The following EPB41L4B variants were observed in gnomAD, a reference collection of about 807,000 sequenced individuals.
The protein encoded by EPB41L4B is erythrocyte membrane protein band 4.1 like 4B, also known as band 4.1-like protein 4B.
In EPB41L4B, 30 loss-of-function variants were observed where a neutral mutation model predicts 112.5. The observed-to-expected ratio is 0.27, with a 90% CI of 0.20 to 0.36. The LOEUF is 0.36. EPB41L4B is among the 10% of genes least tolerant of loss of function. EPB41L4B has a pLI of 1.00. For missense variants in EPB41L4B, 1,024 were observed against 1,133.3 expected, an observed-to-expected ratio of 0.90 and a Z score of 1.38; for synonymous variants, 408 against 439.7, an observed-to-expected ratio of 0.93 and a Z score of 0.90.
intron 15 of EPB41L4B, among the ~76,000 whole-genome samples, chr9:109,218,796 A>G (rs969441747): frequency 2.3e-4 from 35 of 152,264 alleles, no homozygotes; most frequent in Non-Finnish European, 1.6e-4. Flanking sequence ...GAAGACTTCC[A>G]GCCTTTAAGA....
intron 1 of EPB41L4B, among the ~76,000 whole-genome samples, chr9:109,291,385 C>T (rs563102298): frequency 6.6e-6 from 1 of 152,304 alleles, no homozygotes; most frequent in East Asian, 1.9e-4. Flanking sequence ...CACACACAGT[C>T]CAACAAACAG....
intron 1 of EPB41L4B, among the ~76,000 whole-genome samples, chr9:109,304,035 C>T (rs1366118295): frequency 2.0e-5 from 3 of 152,104 alleles, no homozygotes; most frequent in South Asian, 4.2e-4. Flanking sequence ...AACCAGACTC[C>T]CTGGGTCCAC....
intron 1 of EPB41L4B, among the ~76,000 whole-genome samples, chr9:109,310,289 G>A (rs1426863232): frequency 6.7e-6 from 1 of 149,790 alleles, no homozygotes; most frequent in African/African-American, 2.4e-5. Flanking sequence ...TTAGGAAAAC[G>A]TACACATGCA....
rs989641214 is a variant in EPB41L4B, at chr9:109,204,333, G to A, written c.1879-603C>T. Among the ~76,000 whole-genome samples, 5 of 108,944 alleles carry A rather than the reference G, an allele frequency of 4.6e-5. No homozygotes were observed. In the Admixed American group the frequency reaches 5.0e-4, roughly 11 times the overall value. 71.5% of individuals were successfully genotyped at this position (108,944 alleles called of 152,430 possible). ...ACATGCAGAGGCCTGCAGCCCTCACGACCATCACAACATACAGAGCTTGGC... is the reference window on the plus strand; with the variant it reads ...ACATGCAGAGGCCTGCAGCCCTCACAACCATCACAACATACAGAGCTTGGC... On this transcript the variant is annotated intron_variant, in intron 18 of 25. Transcript: ENST00000374566.
At chr9:109,261,716 G>A (rs1259648399) in intron 6 of EPB41L4B, among the ~76,000 whole-genome samples, 1 of 152,144 alleles carries the variant, frequency 6.6e-6, no homozygotes, top group Non-Finnish European at 1.5e-5. Flanking sequence ...TTGCCTGTGG[G>A]TGGTAGGACA....
At chr9:109,183,744 C>T (rs1832149841) in intron 23 of EPB41L4B, among the ~76,000 whole-genome samples, 1 of 152,220 alleles carries the variant, frequency 6.6e-6, no homozygotes, top group African/African-American at 2.4e-5. Context: ...GCAGGCAAGA[C>T]ACCAAGGCCA....
chr9:109,240,284 T>C (rs1302470706), intron 15 of EPB41L4B: 5 of 985,308 alleles, frequency 5.1e-6, no homozygotes, highest in South Asian at 9.4e-5. Flanking sequence ...TCTGCTAAAA[T>C]GGAATACACC....
chr9:109,204,260 C>G (rs555684918), intron 18 of EPB41L4B, among the ~76,000 whole-genome samples: 1 of 152,284 alleles, frequency 6.6e-6, no homozygotes, highest in African/African-American at 2.4e-5. Flanking sequence ...AGAAGAGACA[C>G]CCACTCAGCC....
At chr9:109,276,308 T>G (rs1588199649) in intron 2 of EPB41L4B, among the ~76,000 whole-genome samples, 1 of 138,538 alleles carries the variant, frequency 7.2e-6, no homozygotes, top group South Asian at 2.3e-4. Flanking sequence ...TCATGAAGGG[T>G]GAGGGGGGGG....
At chr9:109,263,456 C>T (rs932590468) in intron 5 of EPB41L4B, among the ~76,000 whole-genome samples, 2 of 152,176 alleles carry the variant, frequency 1.3e-5, no homozygotes, top group Non-Finnish European at 2.9e-5. Context: ...TGATATAGTA[C>T]ATGCATCTTT....
chr9:109,284,274 A>C (rs1272485174), intron 1 of EPB41L4B, among the ~76,000 whole-genome samples: 2 of 152,206 alleles, frequency 1.3e-5, no homozygotes, highest in African/African-American at 4.8e-5. Context: ...TTGCATGGGT[A>C]CCCAAAGTAC....
intron 25 of EPB41L4B, among the ~76,000 whole-genome samples, chr9:109,174,915 T>G (rs1003149913): frequency 7.3e-6 from 1 of 136,132 alleles, no homozygotes; most frequent in East Asian, 2.1e-4. Context: ...GTAAAGTGTT[T>G]TTTTTTTTTT....
intron 15 of EPB41L4B, among the ~76,000 whole-genome samples, chr9:109,238,655 C>T (rs548150904): frequency 2.6e-5 from 4 of 151,860 alleles, no homozygotes; most frequent in African/African-American, 7.2e-5. Flanking sequence ...TGCAACGTTG[C>T]TATAGATGGG....
chr9:109,292,818 G>A (rs1018448971), intron 1 of EPB41L4B, among the ~76,000 whole-genome samples: 1 of 152,184 alleles, frequency 6.6e-6, no homozygotes, highest in East Asian at 1.9e-4. Context: ...GATGTTCTGC[G>A]ATTTCCAAGG....
At chr9:109,237,688 G>C (rs1220630428) in intron 15 of EPB41L4B, among the ~76,000 whole-genome samples, 2 of 152,110 alleles carry the variant, frequency 1.3e-5, no homozygotes, top group African/African-American at 2.4e-5. Context: ...GGTGTGTTTG[G>C]GGAGAAGACA....
intron 7 of EPB41L4B, among the ~76,000 whole-genome samples, chr9:109,257,806 G>C (rs752342002): frequency 1.3e-5 from 2 of 152,148 alleles, no homozygotes; most frequent in Non-Finnish European, 2.9e-5. Context: ...ACCAGCCTAG[G>C]CAACGTGGTG....
intron 2 of EPB41L4B, among the ~76,000 whole-genome samples, chr9:109,276,566 TC>T (rs968325108): frequency 3.3e-5 from 5 of 152,148 alleles, no homozygotes; most frequent in African/African-American, 1.2e-4. Flanking sequence ...TGTTTTTGCC[TC>T]AAATTTGTAG....
At chr9:109,230,881 C>A (rs553423219) in intron 15 of EPB41L4B, among the ~76,000 whole-genome samples, 1 of 152,120 alleles carries the variant, frequency 6.6e-6, no homozygotes, top group African/African-American at 2.4e-5. Flanking sequence ...AAATTGGCCA[C>A]AAGTGGTGGC....
At chr9:109,304,046 C>A (rs1002841355) in intron 1 of EPB41L4B, among the ~76,000 whole-genome samples, 4 of 152,128 alleles carry the variant, frequency 2.6e-5, no homozygotes, top group East Asian at 1.9e-4. Flanking sequence ...CTGGGTCCAC[C>A]ACATTCTAGT....
Sources: allele counts gnomAD v4.1 joint callset (sites outside exome capture counted in the v4.1 genomes callset), GRCh38; gene constraint gnomAD v4.1.1; transcripts MANE v1.5; gene names NCBI Gene and HGNC (gene_info 2026-07-23, HGNC 2026-07-21).